DNAH1: variants seen among roughly 807,000 people sequenced by gnomAD.
DNAH1 encodes the protein axonemal beta dynein heavy chain 1.
Under a neutral mutation model 484.3 loss-of-function variants are expected in DNAH1, and 327 were observed. That is an observed-to-expected ratio of 0.68 (90% CI 0.62 to 0.74). The LOEUF (loss-of-function observed/expected upper bound fraction) is 0.74. DNAH1 is among the 30% of genes least tolerant of loss of function. DNAH1 has a pLI of 0.00. For synonymous variants in DNAH1, 2,192 were observed against 2,191.9 expected (o/e 1.00, Z 0.00); for missense variants, 5,052 against 5,546.8 (o/e 0.91, Z 2.83).
chr3:52,358,063 G>T lies in DNAH1; in HGVS notation c.4086+60G>T, dbSNP rs964091052. On this transcript the variant is annotated intron_variant, in intron 24 of 77. Transcript: ENST00000420323. This position sits in a 1 kb window ranked among gnomAD's most constrained non-coding sequence, Gnocchi z 4.2. ...CATGGGGCATCTTCCCAGGGAGAAC[G>T]TCCCTCCCTTTGTGATGAGCCCTTT... The T allele has an allele frequency of 8.3e-6, 11 of 1,321,902 alleles. No individual in the cohort carries two copies. The highest frequency in any genetic ancestry group is 2.4e-5 in the Admixed American group (1 of 41,010). 81.9% of individuals were successfully genotyped at this position (1,321,902 alleles called of 1,614,324 possible).
At chr3:52,312,450 A>G (rs2153221986), upstream of DNAH1, among the ~76,000 whole-genome samples, 1 of 150,408 alleles carries the variant, frequency 6.6e-6, no homozygotes, top group South Asian at 2.1e-4. Flanking sequence ...GGAAGTGGGC[A>G]GGAGACCCAG....
In DNAH1 at chr3:52,371,974, C is replaced by T. The variant is rs369619987; in HGVS notation, c.6554C>T (p.Ser2185Leu). The change falls in exon 42 of 78, where the codon TCA (serine) becomes TTA (leucine). Residue 2185 changes from serine to leucine, a missense_variant. This residue lies in a region of DNAH1 where 2,929 missense variants were observed against 3,409.4 expected (regional missense o/e 0.86). Coordinates refer to ENST00000420323, the MANE Select transcript of DNAH1 (RefSeq NM_015512.5). Reference protein sequence around the residue: ...QVAWVKWMDSSAPFTMVPDTN... With the variant: ...QVAWVKWMDSLAPFTMVPDTN... ...GCCTGGGTGAAGTGGATGGACTCCT[C>T]AGCTCCATTCACCATGGTACCAGAC... 3.5e-5 allele frequency: 57 copies of T among 1,613,802 alleles called. 1 individual carries two copies. In the African/African-American group the frequency reaches 7.5e-4, roughly 21 times the overall value.
rs1702719819 is a variant in DNAH1 at position 52,358,655 on chromosome 3, A to C, written c.4184A>C (p.Glu1395Ala). 1 of 1,613,236 alleles carries C rather than the reference A, an allele frequency of 6.2e-7. No homozygotes were observed. Among genetic ancestry groups the C allele is most frequent in the Non-Finnish European group, 8.5e-7 (1 of 1,179,756 alleles). Residue 1395 changes from glutamate (E) to alanine (A), a missense_variant, in exon 25 of 78, where the codon GAG becomes GCG. Physicochemically the swap from Glu to Ala is moderately radical, Grantham distance 107. This residue lies in a region of DNAH1 where 2,929 missense variants were observed against 3,409.4 expected (regional missense o/e 0.86). Coordinates refer to ENST00000420323, the MANE Select transcript of DNAH1 (RefSeq NM_015512.5). This position sits in a 1 kb window ranked among gnomAD's most constrained non-coding sequence, Gnocchi z 4.2. ...TCCATCTACCCCTCCAGCAACGTGG[A>C]GGACTGGCTGCGGGAGGTGGAGCGC... ...CFSIYPSSNV[E>A]DWLREVERSM...
Position 52,375,320 on chromosome 3 carries a change from C to T in DNAH1, c.7066C>T (p.Arg2356Trp), listed in dbSNP as rs780050981. ...PGGGRNTVTP[R>W]LMRHFNYLSF... ...TGGAGGCAGGAACACCGTCACCCCG[C>T]GGCTGATGCGTCACTTCAACTACCT... The change falls in exon 45 of 78, where the codon CGG becomes TGG. Residue 2356 changes from arginine to tryptophan, a missense_variant. This residue lies in a region of DNAH1 where 2,929 missense variants were observed against 3,409.4 expected (regional missense o/e 0.86). Transcript: ENST00000420323. The T allele has an allele frequency of 8.1e-6, 13 of 1,612,984 alleles. No homozygotes were observed. Among genetic ancestry groups the T allele is most frequent in the Admixed American group, 1.7e-5 (1 of 59,910 alleles).
Position 52,353,398 on chromosome 3 carries a change from T to C in DNAH1, c.3245T>C (p.Leu1082Ser). 1.9e-6 allele frequency: 3 copies of C among 1,611,258 alleles called. No homozygotes were observed. Among genetic ancestry groups the C allele is most frequent in the Non-Finnish European group, 2.5e-6 (3 of 1,177,828 alleles). The change falls in exon 20 of 78, where the codon TTG becomes TCG. Residue 1082 changes from leucine to serine, a missense_variant. Around this residue, in one of 4 missense-constraint regions of DNAH1, gnomAD observed 2,929 missense variants for 3,409.4 expected, o/e 0.86. Transcript: ENST00000420323. The surrounding 1 kb of genome is among the most constrained non-coding windows in gnomAD (Gnocchi z 5.0). ...KDMPACQEVA[L>S]DIRARIEEFK... ...CCGGCAGCCTGCCAGGAAGTGGCCTTGGACATCCGGGCCCGCATCGAGGAG... is the reference window on the plus strand; with the variant it reads ...CCGGCAGCCTGCCAGGAAGTGGCCTCGGACATCCGGGCCCGCATCGAGGAG...
chr3:52,317,859 C>G (rs1413124156), intron 1 of DNAH1: 1 of 152,256 alleles, frequency 6.6e-6, no homozygotes, highest in Non-Finnish European at 1.5e-5. Context: ...AGCGTCCCTC[C>G]CTAGAGACGG....
intron 51 of DNAH1, 74 bp from the exon 52 acceptor site, chr3:52,383,786 A>G: frequency 6.7e-7 from 1 of 1,490,572 alleles, no homozygotes. Flanking sequence ...GGGCTGTGCA[A>G]GGGCCCTGGG....
intron 8 of DNAH1, among the ~76,000 whole-genome samples, chr3:52,343,998 G>T (rs779769419): frequency 6.6e-6 from 1 of 152,238 alleles, no homozygotes; most frequent in Admixed American, 6.5e-5. Context: ...AAGTGCAGGG[G>T]TCACCCACCC....
At chr3:52,365,081 C>T in intron 34 of DNAH1, 62 bp downstream of exon 34, 1 of 1,555,814 alleles carries the variant, frequency 6.4e-7, no homozygotes, top group South Asian at 1.2e-5. Flanking sequence ...GAGTCCAGGT[C>T]AGGGGGACAG....
intron 44 of DNAH1, among the ~76,000 whole-genome samples, chr3:52,375,033 T>A (rs894165278): frequency 2.2e-5 from 3 of 134,814 alleles, no homozygotes; most frequent in Non-Finnish European, 5.1e-5. Context: ...AAAGTACTTT[T>A]GAACTTTGTA....
chr3:52,364,981 G>T lies in DNAH1; in HGVS notation c.5480G>T (p.Arg1827Leu), dbSNP rs377201322. The T allele has an allele frequency of 5.6e-6, 9 of 1,613,480 alleles. No homozygotes were observed. The highest frequency in any genetic ancestry group is 7.6e-6 in the Non-Finnish European group (9 of 1,179,522). The change falls in exon 34 of 78, where the codon CGC becomes CTC. Residue 1827 changes from arginine (R) to leucine (L), a missense_variant. Arg to Leu is a moderately radical substitution (Grantham distance 102). Around this residue, in one of 4 missense-constraint regions of DNAH1, gnomAD observed 2,929 missense variants for 3,409.4 expected, o/e 0.86. Transcript: ENST00000420323. This position sits in a 1 kb window ranked among gnomAD's most constrained non-coding sequence, Gnocchi z 4.2. ...TACGGCATCCTGGATGAGGCCATCCGCGAGGCCTGCAGGAACAGCAACCTC... is the reference window on the plus strand; with the variant it reads ...TACGGCATCCTGGATGAGGCCATCCTCGAGGCCTGCAGGAACAGCAACCTC... ...TDYGILDEAIREACRNSNLKD... is the reference protein window; with the variant it reads ...TDYGILDEAILEACRNSNLKD...
At chr3:52,342,714 A>G (rs1214096816) in intron 8 of DNAH1, among the ~76,000 whole-genome samples, 1 of 152,166 alleles carries the variant, frequency 6.6e-6, no homozygotes, top group Non-Finnish European at 1.5e-5. Flanking sequence ...GGTGTGTGCA[A>G]TGCTGTTCAG....
In DNAH1 at chr3:52,354,045, T is replaced by C. The variant is rs542711957; in HGVS notation, c.3480+412T>C. Among the ~76,000 whole-genome samples the C allele has an allele frequency of 3.3e-5, 5 of 152,064 alleles. No homozygotes were observed. The South Asian group carries it at 1.0e-3, about 32-fold the overall frequency. ...CCCATCTCTACAAAAAATTAAGATATTAGCCAGGCATGGTGGCACATGCTT... is the reference window on the plus strand; with the variant it reads ...CCCATCTCTACAAAAAATTAAGATACTAGCCAGGCATGGTGGCACATGCTT... On this transcript the variant is annotated intron_variant, in intron 20 of 77. Transcript: ENST00000420323.
At chr3:52,344,949 C>T (rs1293211549) in intron 9 of DNAH1, among the ~76,000 whole-genome samples, 1 of 152,170 alleles carries the variant, frequency 6.6e-6, no homozygotes, top group East Asian at 1.9e-4. Flanking sequence ...GCTGATCAGA[C>T]CTAGAGGATA....
chr3:52,361,904 AC>A lies in DNAH1; in HGVS notation c.4980+142del. On this transcript the variant is annotated intron_variant, in intron 30 of 77. Transcript: ENST00000420323. This position sits in a 1 kb window ranked among gnomAD's most constrained non-coding sequence, Gnocchi z 5.6. ...TCTCTTGTCCCGGGGGCACACCCTAACCCCAGTCTGTGGGCAGCTCCCAGGC... is the reference window on the plus strand; with the variant it reads ...TCTCTTGTCCCGGGGGCACACCCTAACCCAGTCTGTGGGCAGCTCCCAGGC... The A allele has an allele frequency of 1.1e-6, 1 of 915,444 alleles. No homozygotes were observed. The highest frequency in any genetic ancestry group is 1.6e-6 in the Non-Finnish European group (1 of 611,374). 56.7% of individuals were successfully genotyped at this position (915,444 alleles called of 1,614,324 possible).
chr3:52,392,879 G>T lies in DNAH1; in HGVS notation c.10328G>T (p.Arg3443Leu), dbSNP rs752391361. Residue 3443 changes from arginine to leucine, a missense_variant, in exon 65 of 78, where the codon CGC becomes CTC. Physicochemically the swap from Arg to Leu is moderately radical, Grantham distance 102. Transcript: ENST00000420323. Reference protein sequence around the residue: ...EQTEKDIDLTRMEYIPVAIRT... With the variant: ...EQTEKDIDLTLMEYIPVAIRT... Reference sequence around the variant, plus strand: ...ACGGAGAAGGACATCGACCTGACGCGCATGGAGTACATACCCGTGGCCATC... The same window carrying T: ...ACGGAGAAGGACATCGACCTGACGCTCATGGAGTACATACCCGTGGCCATC... 46 of 1,607,716 alleles carry T rather than the reference G, an allele frequency of 2.9e-5. No homozygotes were observed. The highest frequency in any genetic ancestry group is 3.8e-5 in the Non-Finnish European group (45 of 1,178,666).
In DNAH1 at chr3:52,353,203, A is replaced by T. The variant is rs1160732663; in HGVS notation, c.3128A>T (p.Asp1043Val). ...CGCTGGTCGGAGAGCTGGATGAATG[A>T]CCCCCTCTCTGCCATCGATGCTGAG... ...WLRWSESWMN[D>V]PLSAIDAEQL... is the part of the protein sequence containing the mutation. Residue 1043 changes from aspartate (D) to valine (V), a missense_variant, in exon 19 of 78, where the codon GAC becomes GTC. Physicochemically the swap from Asp to Val is radical, Grantham distance 152. Transcript: ENST00000420323. The surrounding 1 kb of genome is among the most constrained non-coding windows in gnomAD (Gnocchi z 5.0). 1 of 1,613,508 alleles carries T rather than the reference A, an allele frequency of 6.2e-7. No homozygotes were observed. Among genetic ancestry groups the T allele is most frequent in the Admixed American group, 1.7e-5 (1 of 59,968 alleles).
At chr3:52,328,378 C>G (rs1436991040) in intron 6 of DNAH1, among the ~76,000 whole-genome samples, 1 of 152,188 alleles carries the variant, frequency 6.6e-6, no homozygotes, top group Non-Finnish European at 1.5e-5. Flanking sequence ...TAACCATGGC[C>G]TCTCAGCTTT....
At position 52,386,689 on chromosome 3, in the gene DNAH1, G is replaced by T; in HGVS notation, c.8839G>T (p.Gly2947Cys). The change falls in exon 56 of 78, where the codon GGT (glycine) becomes TGT (cysteine). Residue 2947 changes from glycine (G) to cysteine (C), a missense_variant. Physicochemically the swap from Gly to Cys is radical, Grantham distance 159. Coordinates refer to ENST00000420323, the MANE Select transcript of DNAH1 (RefSeq NM_015512.5). ...ACGTGCCATGCAGCGGCCACCCCCG[G>T]GTGTGAAACTGGTCATAGAAGCTGT... ...EVRAMQRPPP[G>C]VKLVIEAVCI... 1.9e-6 allele frequency: 3 copies of T among 1,590,184 alleles called. No homozygotes were observed. Among genetic ancestry groups the T allele is most frequent in the Non-Finnish European group, 2.6e-6 (3 of 1,168,848 alleles).
Sources: gnomAD v4.1 joint callset for allele counts (sites outside exome capture counted in the v4.1 genomes callset) on GRCh38, gnomAD v4.1.1 for gene constraint, gnomAD v4.1.1 regional missense constraint, Gnocchi (gnomAD v3.1) non-coding constraint, MANE v1.5 for transcripts, NCBI Gene and HGNC (gene_info 2026-07-23, HGNC 2026-07-21) for gene names.